Variants in ZNF732 observed in about 807,000 individuals in gnomAD.
The protein encoded by ZNF732 is zinc finger protein 732.
A neutral mutation model predicts 11.5 loss-of-function variants in ZNF732; 12 were observed. That is an observed-to-expected ratio of 1.05 (90% CI 0.67 to 1.70). The LOEUF (loss-of-function observed/expected upper bound fraction) is 1.70, where lower values mean the gene tolerates loss of function less well. Among genes scored for constraint, ZNF732 ranks in the 40% most tolerant of loss-of-function variants. The pLI is 0.00. For synonymous variants in ZNF732, 231 were observed against 236.5 expected, an observed-to-expected ratio of 0.98 and a Z score of 0.21; for missense variants, 702 against 676.9, an observed-to-expected ratio of 1.04 and a Z score of -0.41.
intron 3 of ZNF732, among the ~76,000 whole-genome samples, chr4:272,892 T>TA (rs1719419371): frequency 6.6e-6 from 1 of 152,128 alleles, no homozygotes; most frequent in African/African-American, 2.4e-5. Context: ...CAAAGTTTGT[T>TA]ACATTTACCA....
chr4:304,531 G>A (rs1188165063), intron 1 of ZNF732, among the ~76,000 whole-genome samples: 1 of 151,638 alleles, frequency 6.6e-6, no homozygotes, highest in East Asian at 1.9e-4. Context: ...CAGAGTCAGC[G>A]AAGACCCCAC....
chr4:297,632 A>C (rs76782413), intron 1 of ZNF732, among the ~76,000 whole-genome samples: 2 of 125,794 alleles, frequency 1.6e-5, no homozygotes, highest in African/African-American at 2.9e-5. Flanking sequence ...AAAAAAAAAA[A>C]CTGCAGGGAT....
At chr4:296,229 C>T (rs1256799815) in intron 1 of ZNF732, 74 bp from the exon 2 acceptor site, 5 of 1,560,790 alleles carry the variant, frequency 3.2e-6, no homozygotes, top group Admixed American at 2.0e-5. Context: ...AGAACTAGTT[C>T]TGACATGTGA....
intron 3 of ZNF732, among the ~76,000 whole-genome samples, chr4:284,870 CAAAAA>C (rs1163209652): frequency 1.1e-4 from 6 of 54,820 alleles, no homozygotes; most frequent in African/African-American, 1.7e-4. Flanking sequence ...GACTCTGTCT[CAAAAA>C]AAAAAAAAAA....
intron 3 of ZNF732, among the ~76,000 whole-genome samples, chr4:293,263 T>C (rs966485568): frequency 9.0e-5 from 13 of 144,466 alleles, no homozygotes; most frequent in African/African-American, 2.4e-4. Flanking sequence ...TATACACATA[T>C]ATATGTATAT....
chr4:299,431 A>G lies in ZNF732; in HGVS notation c.4-3276T>C, dbSNP rs868968655. Among the ~76,000 whole-genome samples, 403 of 65,696 alleles carry G rather than the reference A, an allele frequency of 6.1e-3. 37 individuals are homozygous for G. Among genetic ancestry groups the G allele is most frequent in the African/African-American group, 0.024 (330 of 14,030 alleles). The allele number at this position is 65,696 out of a possible 152,430, so 43.1% of individuals were successfully genotyped here. On this transcript the variant is annotated intron_variant, in intron 1 of 3. Transcript: ENST00000419098. ...TATATATATACACATATATACACAT[A>G]TGTGTATATATATATATATACACAT...
rs1560164985 is a variant in ZNF732 at position 299,373 on chromosome 4, A to ATATATATACACATATGTACG, written c.4-3219_4-3218insCGTACATATGTGTATATATA. Among the ~76,000 whole-genome samples the ATATATATACACATATGTACG allele has an allele frequency of 4.6e-4, 25 of 54,052 alleles. 4 individuals are homozygous for ATATATATACACATATGTACG. The highest frequency in any genetic ancestry group is 1.6e-3 in the African/African-American group (23 of 14,366). The allele number at this position is 54,052 out of a possible 152,430, so 35.5% of individuals were successfully genotyped here. On this transcript the variant is annotated intron_variant, in intron 1 of 3. Transcript: ENST00000419098. The stretch of plus-strand genomic sequence containing the variant: ...TATACACATATATACACATATGTGT[A>ATATATATACACATATGTACG]TATATATATACACATATGTACACAT...
chr4:290,916 AG>A (rs1176064235), intron 3 of ZNF732, among the ~76,000 whole-genome samples: 3 of 152,232 alleles, frequency 2.0e-5, no homozygotes, highest in African/African-American at 7.2e-5. Flanking sequence ...GCCAAAAAAT[AG>A]ATTATACAAA....
intron 3 of ZNF732, among the ~76,000 whole-genome samples, chr4:278,379 G>A (rs1170966258): frequency 6.6e-6 from 1 of 152,158 alleles, no homozygotes; most frequent in Non-Finnish European, 1.5e-5. Flanking sequence ...CAACACAAAT[G>A]TCCCTTTAGA....
chr4:296,873 A>C (rs1230417109), intron 1 of ZNF732, among the ~76,000 whole-genome samples: 2 of 152,174 alleles, frequency 1.3e-5, no homozygotes, highest in Admixed American at 6.5e-5. Flanking sequence ...ATCCCAAGAC[A>C]AGACCACAAA....
chr4:305,394 T>A lies in ZNF732; in HGVS notation c.-84A>T, dbSNP rs1720212622. On this transcript the variant is annotated 5_prime_UTR_variant, in exon 1 of 4. Coordinates refer to ENST00000419098, the MANE Select transcript of ZNF732 (RefSeq NM_001137608.3). ...CACAGAGCGACGGAGGCTGAGGCTGTGACCGAATCACCGACGCCTCCCTGA... is the reference window on the plus strand; with the variant it reads ...CACAGAGCGACGGAGGCTGAGGCTGAGACCGAATCACCGACGCCTCCCTGA... 6.3e-7 allele frequency: 1 copy of A among 1,587,442 alleles called. No individual in the cohort carries two copies. Among genetic ancestry groups the A allele is most frequent in the African/African-American group, 1.3e-5 (1 of 74,558 alleles).
chr4:302,885 T>G (rs1413545287), intron 1 of ZNF732, among the ~76,000 whole-genome samples: 1 of 152,194 alleles, frequency 6.6e-6, no homozygotes, highest in Admixed American at 6.5e-5. Flanking sequence ...ACTCTCCCTC[T>G]TCTTTTAATC....
chr4:292,156 A>G (rs1719852461), intron 3 of ZNF732, among the ~76,000 whole-genome samples: 1 of 152,226 alleles, frequency 6.6e-6, no homozygotes, highest in African/African-American at 2.4e-5. Flanking sequence ...TTTGGCAATA[A>G]CTTTTTTGAT....
intron 3 of ZNF732, among the ~76,000 whole-genome samples, chr4:273,713 C>G (rs1719436637): frequency 6.6e-6 from 1 of 151,760 alleles, no homozygotes; most frequent in Non-Finnish European, 1.5e-5. Flanking sequence ...CATATATAAG[C>G]AAAGTTTCAA....
intron 3 of ZNF732, among the ~76,000 whole-genome samples, chr4:273,417 CTAAT>C (rs1375269262): frequency 1.3e-5 from 2 of 151,972 alleles, no homozygotes; most frequent in South Asian, 2.1e-4. Context: ...AGAACATGGT[CTAAT>C]TAAACAATTT....
At chr4:289,804 C>T (rs1719803757) in intron 3 of ZNF732, among the ~76,000 whole-genome samples, 2 of 152,152 alleles carry the variant, frequency 1.3e-5, no homozygotes. Context: ...TGGTACTAAA[C>T]GATTCATGAG....
At chr4:302,016 CT>C (rs1338339284) in intron 1 of ZNF732, among the ~76,000 whole-genome samples, 2 of 152,156 alleles carry the variant, frequency 1.3e-5, no homozygotes, top group Non-Finnish European at 2.9e-5. Context: ...GGAGGAATAA[CT>C]GATTGCAGTA....
intron 3 of ZNF732, among the ~76,000 whole-genome samples, chr4:274,532 A>G (rs1719454172): frequency 6.6e-6 from 1 of 151,708 alleles, no homozygotes; most frequent in African/African-American, 2.4e-5. Context: ...TTATTCAAAT[A>G]TTTATGAAGT....
At chr4:299,444 T>TACAC (rs782570375) in intron 1 of ZNF732, among the ~76,000 whole-genome samples, 753 of 33,822 alleles carry the variant, frequency 0.022, 91 homozygotes, top group African/African-American at 0.046. Context: ...TGTATATATA[T>TACAC]ATATATACAC....
Sources: allele counts gnomAD v4.1 joint callset (sites outside exome capture counted in the v4.1 genomes callset), GRCh38; gene constraint gnomAD v4.1.1; transcripts MANE v1.5; gene names NCBI Gene and HGNC (gene_info 2026-07-23, HGNC 2026-07-21).